The following NMNAT2 variants were observed in gnomAD, a reference collection of about 807,000 sequenced individuals.
The protein encoded by NMNAT2 is nicotinamide nucleotide adenylyltransferase 2.
In NMNAT2, 11 loss-of-function variants were observed where a neutral mutation model predicts 41.6. The observed-to-expected ratio is 0.26, with a 90% confidence interval of 0.17 to 0.44. The LOEUF (loss-of-function observed/expected upper bound fraction) is 0.44, where lower values mean the gene tolerates loss of function less well. Among genes scored for constraint, NMNAT2 ranks in the 20% least tolerant of loss-of-function variants. The pLI is 1.00. For missense variants in NMNAT2, 288 were observed against 407.7 expected (o/e 0.71, Z 2.53); for synonymous variants, 148 against 151.2 (o/e 0.98, Z 0.16).
rs202164937 is a variant in NMNAT2, at chr1:183,304,750, G to T, written c.86-10957C>A. 72 of 1,613,860 alleles carry T rather than the reference G, an allele frequency of 4.5e-5. No homozygotes were observed. The African/African-American group carries it at 5.6e-4, about 13-fold the overall frequency. On this transcript the variant is annotated intron_variant, in intron 1 of 10. Coordinates refer to ENST00000287713, the MANE Select transcript of NMNAT2 (RefSeq NM_015039.4). Reference sequence around the variant, plus strand: ...TTCCTGGATTTCCATCTATTTGTCTGGTTTTTGCAGCCACTACTTGCAGCC... The same window carrying T: ...TTCCTGGATTTCCATCTATTTGTCTTGTTTTTGCAGCCACTACTTGCAGCC...
rs1055921480 is a variant in NMNAT2 at position 183,251,046 on chromosome 1, C to T, written c.*1595G>A. ...GCACAAGACAGCAATTTCCTTATGG[C>T]TCTCCAAGCAGGACACGCATGAGAC... On this transcript the variant is annotated 3_prime_UTR_variant, in exon 11 of 11. Transcript: ENST00000287713. The T allele has an allele frequency of 1.3e-5, 2 of 152,286 alleles. No individual in the cohort carries two copies. The highest frequency in any genetic ancestry group is 3.9e-4 in the East Asian group (2 of 5,178). The allele number at this position is 152,286 out of a possible 1,614,324, so 9.4% of individuals were successfully genotyped here. A position where few individuals can be genotyped will look rare whatever the true frequency, so the allele number is the denominator to read the frequency against.
At chr1:183,266,077 C>T (rs896406834) in intron 8 of NMNAT2, among the ~76,000 whole-genome samples, 10 of 152,140 alleles carry the variant, frequency 6.6e-5, no homozygotes, top group Non-Finnish European at 1.2e-4. Context: ...CCAATTTTCC[C>T]CTAGATTCTC....
intron 1 of NMNAT2, among the ~76,000 whole-genome samples, chr1:183,321,100 T>C (rs1662348344): frequency 1.3e-5 from 2 of 152,190 alleles, no homozygotes; most frequent in South Asian, 4.1e-4. Context: ...GCAGTTGCAA[T>C]TCGATTACAG....
chr1:183,288,913 T>C (rs1347143544), intron 4 of NMNAT2, among the ~76,000 whole-genome samples: 4 of 152,186 alleles, frequency 2.6e-5, no homozygotes, highest in Non-Finnish European at 5.9e-5. Context: ...GGTCAGGATA[T>C]GTGAGAAGGG....
intron 1 of NMNAT2, among the ~76,000 whole-genome samples, chr1:183,381,514 A>G (rs1663802684): frequency 6.6e-6 from 1 of 152,086 alleles, no homozygotes; most frequent in Non-Finnish European, 1.5e-5. Context: ...TGGCCAACAA[A>G]GTGAAATCCT....
At chr1:183,315,186 C>T (rs1328228522) in intron 1 of NMNAT2, among the ~76,000 whole-genome samples, 1 of 152,172 alleles carries the variant, frequency 6.6e-6, no homozygotes, top group African/African-American at 2.4e-5. Context: ...ACTTGGCCAT[C>T]CGTCATGCTG....
intron 1 of NMNAT2, among the ~76,000 whole-genome samples, chr1:183,343,316 T>C (rs1571609805): frequency 6.6e-6 from 1 of 152,226 alleles, no homozygotes; most frequent in East Asian, 1.9e-4. Flanking sequence ...GGTGATTCAC[T>C]CATTCAACAA....
intron 1 of NMNAT2, among the ~76,000 whole-genome samples, chr1:183,371,964 A>G (rs1371468689): frequency 6.6e-6 from 1 of 152,018 alleles, no homozygotes; most frequent in Non-Finnish European, 1.5e-5. Context: ...AATTTTTTGT[A>G]GAGATGGGTC....
intron 1 of NMNAT2, among the ~76,000 whole-genome samples, chr1:183,319,516 G>T (rs1447665309): frequency 1.3e-5 from 2 of 152,208 alleles, no homozygotes; most frequent in East Asian, 3.9e-4. Context: ...GGACACTCTT[G>T]GTCATCCTTC....
chr1:183,350,163 G>C (rs1190994063), intron 1 of NMNAT2, among the ~76,000 whole-genome samples: 1 of 152,208 alleles, frequency 6.6e-6, no homozygotes, highest in Non-Finnish European at 1.5e-5. Flanking sequence ...GGGGATCACT[G>C]TAGAGGGTGG....
In NMNAT2 at chr1:183,291,005, C is replaced by A. The variant is rs538897016; in HGVS notation, c.243-799G>T. Among the ~76,000 whole-genome samples the A allele has an allele frequency of 9.8e-5, 15 of 152,322 alleles. No individual in the cohort carries two copies. In the East Asian group the frequency reaches 2.5e-3, roughly 25 times the overall value. ...GACCTCGGCTCACTGCAACCTCCATCTCCTGGGTTCAAGTGATTCTCCTGC... is the reference window on the plus strand; with the variant it reads ...GACCTCGGCTCACTGCAACCTCCATATCCTGGGTTCAAGTGATTCTCCTGC... On this transcript the variant is annotated intron_variant, in intron 3 of 10. Transcript: ENST00000287713.
At chr1:183,313,285 A>G (rs1662167644) in intron 1 of NMNAT2, among the ~76,000 whole-genome samples, 1 of 152,202 alleles carries the variant, frequency 6.6e-6, no homozygotes, top group African/African-American at 2.4e-5. Context: ...TCTCTGAACA[A>G]TAGGCTGTGA....
chr1:183,409,524 C>T (rs1445299187), intron 1 of NMNAT2, among the ~76,000 whole-genome samples: 1 of 152,018 alleles, frequency 6.6e-6, no homozygotes, highest in Non-Finnish European at 1.5e-5. Context: ...CCTATGCTGC[C>T]CAGGCTGGTC....
intron 1 of NMNAT2, among the ~76,000 whole-genome samples, chr1:183,398,006 CA>C (rs1648701425): frequency 6.6e-6 from 1 of 152,172 alleles, no homozygotes; most frequent in Non-Finnish European, 1.5e-5. Flanking sequence ...CATCAACTAA[CA>C]AGCAAAATAA....
chr1:183,390,719 A>G (rs1648457246), intron 1 of NMNAT2, among the ~76,000 whole-genome samples: 1 of 152,206 alleles, frequency 6.6e-6, no homozygotes, highest in Non-Finnish European at 1.5e-5. Context: ...TGAAAGAAAC[A>G]AGTAATTCCT....
intron 1 of NMNAT2, among the ~76,000 whole-genome samples, chr1:183,386,000 C>T (rs1002813417): frequency 6.6e-6 from 1 of 152,036 alleles, no homozygotes; most frequent in Non-Finnish European, 1.5e-5. Context: ...GGGAACTGGG[C>T]CACAATGTCA....
intron 1 of NMNAT2, among the ~76,000 whole-genome samples, chr1:183,303,913 C>T (rs1661930728): frequency 6.6e-6 from 1 of 152,246 alleles, no homozygotes; most frequent in Non-Finnish European, 1.5e-5. Flanking sequence ...ATTTTCCTTG[C>T]TCTTCCTCCA....
intron 8 of NMNAT2, among the ~76,000 whole-genome samples, chr1:183,273,389 C>G (rs1017040064): frequency 6.6e-6 from 1 of 152,158 alleles, no homozygotes; most frequent in Admixed American, 6.5e-5. Context: ...TCGGGGCACC[C>G]GATAATAAAG....
intron 3 of NMNAT2, 25 bp from the exon 4 acceptor site, chr1:183,290,231 C>A: frequency 6.5e-7 from 1 of 1,538,598 alleles, no homozygotes; most frequent in East Asian, 2.4e-5. Flanking sequence ...AAGAAGTTTC[C>A]CTTGGTTTCT....
Sources: gnomAD v4.1 joint callset for allele counts (sites outside exome capture counted in the v4.1 genomes callset) on GRCh38, gnomAD v4.1.1 for gene constraint, MANE v1.5 for transcripts, NCBI Gene and HGNC (gene_info 2026-07-23, HGNC 2026-07-21) for gene names.